The following GNAO1 variants were observed in gnomAD, a reference collection of about 807,000 sequenced individuals.
GNAO1 encodes G protein subunit alpha o1.
For synonymous variants in GNAO1, 164 were observed against 180.7 expected, an observed-to-expected ratio of 0.91 and a Z score of 0.74; for missense variants, 166 against 478.7, an observed-to-expected ratio of 0.35 and a Z score of 6.10.
At chr16:56,225,562 C>T (rs374086115) in intron 2 of GNAO1, among the ~76,000 whole-genome samples, 27 of 152,284 alleles carry the variant, frequency 1.8e-4, no homozygotes, top group African/African-American at 6.3e-4. Flanking sequence ...TGTGTGTGTG[C>T]ACTCTGTTGA....
intron 3 of GNAO1, among the ~76,000 whole-genome samples, chr16:56,293,435 CCTG>C (rs1487366582): frequency 2.0e-5 from 3 of 152,138 alleles, no homozygotes; most frequent in Non-Finnish European, 4.4e-5. Flanking sequence ...CACCCTGTCT[CCTG>C]TCCCAGCTCT....
At chr16:56,201,248 G>C (rs1346074109) in intron 2 of GNAO1, among the ~76,000 whole-genome samples, 1 of 152,158 alleles carries the variant, frequency 6.6e-6, no homozygotes, top group Non-Finnish European at 1.5e-5. Flanking sequence ...CATGTGAACT[G>C]AGCCTTTAAA....
chr16:56,293,963 A>C (rs1662311872), intron 3 of GNAO1, among the ~76,000 whole-genome samples: 1 of 152,224 alleles, frequency 6.6e-6, no homozygotes, highest in African/African-American at 2.4e-5. Context: ...CATGCTTAGT[A>C]GGTGATAGCT....
At chr16:56,259,347 C>T (rs1364926112) in intron 2 of GNAO1, among the ~76,000 whole-genome samples, 2 of 152,210 alleles carry the variant, frequency 1.3e-5, no homozygotes, top group Non-Finnish European at 2.9e-5. Context: ...AACTGAATTC[C>T]ATTCTTGGGA....
At chr16:56,267,959 A>G (rs1357341418) in intron 2 of GNAO1, among the ~76,000 whole-genome samples, 2 of 151,780 alleles carry the variant, frequency 1.3e-5, no homozygotes, top group Non-Finnish European at 2.9e-5. Context: ...AGGTAAAAAC[A>G]TCTTTCCATT....
chr16:56,312,508 CCTT>C (rs1232994202), intron 3 of GNAO1, among the ~76,000 whole-genome samples: 1 of 152,206 alleles, frequency 6.6e-6, no homozygotes, highest in Admixed American at 6.5e-5. Context: ...CTTGCTGTAT[CCTT>C]CTGGACTGGT....
At chr16:56,318,700 A>G (rs1215706844) in intron 3 of GNAO1, among the ~76,000 whole-genome samples, 1 of 152,238 alleles carries the variant, frequency 6.6e-6, no homozygotes, top group East Asian at 1.9e-4. Flanking sequence ...AGGGGTTATT[A>G]TTATAATTAC....
intron 1 of GNAO1, 54 bp from the exon 2 acceptor site, chr16:56,192,520 T>G: frequency 2.1e-5 from 13 of 613,172 alleles, no homozygotes; most frequent in Non-Finnish European, 3.3e-5. Context: ...CCCCTCCCCC[T>G]GTTCCCTTAA....
chr16:56,256,926 A>G (rs1408749222), intron 2 of GNAO1, among the ~76,000 whole-genome samples: 7 of 152,106 alleles, frequency 4.6e-5, no homozygotes, highest in African/African-American at 1.7e-4. Context: ...GTGGCCCAAG[A>G]TGAGTTGCAG....
At chr16:56,253,747 C>T (rs1191727711) in intron 2 of GNAO1, among the ~76,000 whole-genome samples, 1 of 152,148 alleles carries the variant, frequency 6.6e-6, no homozygotes. Context: ...ATGCACTTTG[C>T]CATCACATGG....
chr16:56,349,601 T>G (rs1596880987), intron 6 of GNAO1, among the ~76,000 whole-genome samples: 1 of 152,128 alleles, frequency 6.6e-6, no homozygotes, highest in Admixed American at 6.5e-5. Context: ...AGAATGAAAT[T>G]TACTGATTGA....
At chr16:56,296,121 TTTGA>T (rs2143571568) in intron 3 of GNAO1, among the ~76,000 whole-genome samples, 1 of 152,196 alleles carries the variant, frequency 6.6e-6, no homozygotes, top group South Asian at 2.1e-4. Context: ...GACTGGAAAG[TTTGA>T]TTAAGTTTGA....
In GNAO1 at chr16:56,351,958, A is replaced by T. The variant is rs146472533; in HGVS notation, c.877+421A>T. On this transcript the variant is annotated intron_variant, in intron 7 of 8. Transcript: ENST00000262493. This position sits in a 1 kb window ranked among gnomAD's most constrained non-coding sequence, Gnocchi z 6.1. ...CCGAAAAGTGGACACGTGGCCTGTG[A>T]ACAGGGCCTGGACTGCCTCTTGGCC... The T allele has an allele frequency of 1.2e-5, 2 of 172,892 alleles. No homozygotes were observed. Among genetic ancestry groups the T allele is most frequent in the Non-Finnish European group, 2.5e-5 (2 of 81,388 alleles). The allele number at this position is 172,892 out of a possible 1,614,324, so 10.7% of individuals were successfully genotyped here.
intron 3 of GNAO1, among the ~76,000 whole-genome samples, chr16:56,309,547 G>A (rs563167848): frequency 6.6e-5 from 10 of 152,316 alleles, no homozygotes; most frequent in Middle Eastern, 6.8e-3. Flanking sequence ...GGAGGTCTGC[G>A]GGCTTGGAAG....
intron 2 of GNAO1, among the ~76,000 whole-genome samples, chr16:56,200,038 C>T (rs1199943297): frequency 6.6e-6 from 1 of 152,184 alleles, no homozygotes; most frequent in Non-Finnish European, 1.5e-5. Context: ...ACCTTGGATT[C>T]TCTGCCTGTG....
At chr16:56,215,073 C>A (rs2036426481) in intron 2 of GNAO1, among the ~76,000 whole-genome samples, 1 of 152,210 alleles carries the variant, frequency 6.6e-6, no homozygotes, top group Non-Finnish European at 1.5e-5. Flanking sequence ...TGGCACCCAC[C>A]ACCTCCTGCC....
chr16:56,336,559 G>T lies in GNAO1; in HGVS notation c.594-172G>T, dbSNP rs143647020. The T allele has an allele frequency of 6.7e-4, 393 of 590,656 alleles. 4 individuals carry two copies. The African/African-American group carries it at 6.7e-3, about 10-fold the overall frequency. 36.6% of individuals were successfully genotyped at this position (590,656 alleles called of 1,614,324 possible). A position where few individuals can be genotyped will look rare whatever the true frequency, so the allele number is the denominator to read the frequency against. On this transcript the variant is annotated intron_variant, in intron 5 of 8. Transcript: ENST00000262493. ...AGGGGTAGTGCCTGGGGATGGCAGT[G>T]ATCCAGCTGTCTGTCATCACCTGGA...
intron 3 of GNAO1, among the ~76,000 whole-genome samples, chr16:56,284,160 A>G (rs1370635736): frequency 6.6e-6 from 1 of 152,248 alleles, no homozygotes; most frequent in Non-Finnish European, 1.5e-5. Flanking sequence ...GGGGAAGTGC[A>G]CAAGATGGCA....
intron 4 of GNAO1, among the ~76,000 whole-genome samples, chr16:56,334,261 A>G (rs1004212824): frequency 3.3e-5 from 5 of 152,204 alleles, no homozygotes; most frequent in Non-Finnish European, 5.9e-5. Flanking sequence ...TAATAAAATT[A>G]TGGCCTCTGG....
Sources: allele counts gnomAD v4.1 joint callset (sites outside exome capture counted in the v4.1 genomes callset), GRCh38; gene constraint gnomAD v4.1.1; non-coding constraint Gnocchi (gnomAD v3.1); transcripts MANE v1.5; gene names NCBI Gene and HGNC (gene_info 2026-07-23, HGNC 2026-07-21).